PLXNA1: variants seen among roughly 807,000 people sequenced by gnomAD.
PLXNA1 encodes the protein plexin A1.
Under a neutral mutation model 191.7 loss-of-function variants are expected in PLXNA1, and 77 were observed. The ratio of observed to expected loss-of-function variants is 0.40; its 90% CI spans 0.33 to 0.49. The LOEUF (loss-of-function observed/expected upper bound fraction) is 0.49. PLXNA1 is among the 20% of genes least tolerant of loss of function. PLXNA1 has a pLI of 0.63. For missense variants in PLXNA1, 2,110 were observed against 2,660.2 expected (o/e 0.79, Z 4.55); for synonymous variants, 1,137 against 1,156.4 (o/e 0.98, Z 0.34).
intron 23 of PLXNA1, chr3:127,027,357 T>C: frequency 3.0e-6 from 1 of 331,454 alleles, no homozygotes; most frequent in Non-Finnish European, 5.9e-6. Context: ...CCTCCCTGGG[T>C]GGGCAAGCCT....
At chr3:127,004,499 C>G (rs1166184027) in intron 4 of PLXNA1, 112 bp from the exon 5 acceptor site, 6 of 769,698 alleles carry the variant, frequency 7.8e-6, no homozygotes, top group Non-Finnish European at 1.3e-5. Context: ...AGACTGAGAA[C>G]AAGTGCAGGG....
chr3:127,029,376 G>T (rs1559966586), intron 26 of PLXNA1, 64 bp from the exon 27 acceptor site: 9 of 1,503,740 alleles, frequency 6.0e-6, no homozygotes, highest in Non-Finnish European at 5.6e-6. Flanking sequence ...CAGCCGGGGA[G>T]TGGGAGCCTG....
intron 21 of PLXNA1, among the ~76,000 whole-genome samples, chr3:127,021,514 G>A (rs1420584376): frequency 6.6e-6 from 1 of 152,184 alleles, no homozygotes; most frequent in Non-Finnish European, 1.5e-5. Flanking sequence ...TTTCCTACCT[G>A]CAGTGTGGCC....
At chr3:127,031,249 AC>A (rs1389082136) in intron 29 of PLXNA1, among the ~76,000 whole-genome samples, 1 of 152,052 alleles carries the variant, frequency 6.6e-6, no homozygotes, top group Non-Finnish European at 1.5e-5. Flanking sequence ...CTGTAGCCAC[AC>A]CCTAGCCCCT....
Position 127,028,358 on chromosome 3 carries a change from C to G in PLXNA1, c.4669+18C>G. On this transcript the variant is annotated intron_variant, in intron 25 of 31. Coordinates refer to ENST00000393409, the MANE Select transcript of PLXNA1 (RefSeq NM_032242.4). ...GGACCTGGGTGAGCGGGCGGGGCCA[C>G]GGCTGCCCGGGGTGTGTGCTGGAGC... 1 of 1,602,470 alleles carries G rather than the reference C, an allele frequency of 6.2e-7. No homozygotes were observed. The highest frequency in any genetic ancestry group is 8.5e-7 in the Non-Finnish European group (1 of 1,176,546).
chr3:127,004,764 C>T (rs1304009546), intron 5 of PLXNA1, 53 bp downstream of exon 5: 3 of 1,587,876 alleles, frequency 1.9e-6, no homozygotes, highest in African/African-American at 2.7e-5. Context: ...GGTGGTCTCA[C>T]AGTGGGGGAG....
rs554028900 is a variant in PLXNA1, at chr3:127,007,904, C to T, written c.2103C>T (p.Asn701=). The T allele has an allele frequency of 1.7e-5, 27 of 1,609,448 alleles. No homozygotes were observed. Among genetic ancestry groups the T allele is most frequent in the East Asian group, 1.1e-4 (5 of 44,712 alleles). ...ADCAFLEGRV[N]VSEDCPQILP... Reference sequence around the variant, plus strand: ...GCGCCTTCCTGGAGGGCCGTGTCAACGTGTCTGAGGTAAGGCCGGGCAAGG... The same window carrying T: ...GCGCCTTCCTGGAGGGCCGTGTCAATGTGTCTGAGGTAAGGCCGGGCAAGG... The change falls in exon 9 of 32, where the codon AAC becomes AAT. Residue 701 remains asparagine (N), a synonymous_variant. Coordinates refer to ENST00000393409, the MANE Select transcript of PLXNA1 (RefSeq NM_032242.4).
intron 9 of PLXNA1, among the ~76,000 whole-genome samples, chr3:127,010,304 A>T (rs901796225): frequency 6.6e-6 from 1 of 152,120 alleles, no homozygotes; most frequent in Admixed American, 6.5e-5. Context: ...CCTGGCTCTG[A>T]GCTGTCATTG....
rs747397558 is a variant in PLXNA1, at chr3:126,989,271, A to G, written c.678A>G (p.Ser226=). The change falls in exon 2 of 32, where the codon TCA becomes TCG. Residue 226 remains serine (S), a synonymous_variant. Coordinates refer to ENST00000393409, the MANE Select transcript of PLXNA1 (RefSeq NM_032242.4). ...TCGTGTACCAGGATGAGTTTGTGTC[A>G]TCACAGCTCAAGATCCCTTCGGACA... ...FGFVYQDEFV[S]SQLKIPSDTL... 1 of 1,613,562 alleles carries G rather than the reference A, an allele frequency of 6.2e-7. No homozygotes were observed.
chr3:127,022,739 C>A lies in PLXNA1; in HGVS notation c.4296-13C>A. On this transcript the variant is annotated splice_polypyrimidine_tract_variant and intron_variant, in intron 22 of 31. Coordinates refer to ENST00000393409, the MANE Select transcript of PLXNA1 (RefSeq NM_032242.4). The stretch of plus-strand genomic sequence containing the variant: ...GGAATGACACCACTCTGCCCATATT[C>A]TGTGCTCCCCAGGACTGAGTCGGTG... 1 of 1,613,152 alleles carries A rather than the reference C, an allele frequency of 6.2e-7. No individual in the cohort carries two copies. Among genetic ancestry groups the A allele is most frequent in the Non-Finnish European group, 8.5e-7 (1 of 1,179,240 alleles).
chr3:126,986,510 C>A (rs1037595569), intron 1 of PLXNA1, among the ~76,000 whole-genome samples: 1 of 152,152 alleles, frequency 6.6e-6, no homozygotes, highest in African/African-American at 2.4e-5. Flanking sequence ...AGTGAAGAAG[C>A]ATGGGGGGCT....
intron 1 of PLXNA1, among the ~76,000 whole-genome samples, chr3:126,987,102 C>G (rs2078962687): frequency 6.6e-6 from 1 of 152,264 alleles, no homozygotes; most frequent in Non-Finnish European, 1.5e-5. Flanking sequence ...GCACTGCTGA[C>G]TATGCCTTGT....
intron 31 of PLXNA1, 62 bp from the exon 32 acceptor site, chr3:127,033,860 G>A: frequency 7.1e-7 from 1 of 1,416,286 alleles, no homozygotes; most frequent in Non-Finnish European, 9.7e-7. Context: ...CATCTGCCCT[G>A]GGCCTGCTGA....
chr3:126,991,523 G>A lies in PLXNA1; in HGVS notation c.1334G>A (p.Arg445His), dbSNP rs543595407. The change falls in exon 3 of 32, where the codon CGC (arginine) becomes CAC (histidine). Residue 445 changes from arginine to histidine, a missense_variant. Transcript: ENST00000393409. ...TAVAAYDYRG[R>H]TVVFAGTRSG... ...GTGGCTGCCTATGACTATCGGGGCC[G>A]CACTGTGGTATTCGCCGGCACGCGA... The A allele has an allele frequency of 1.1e-5, 18 of 1,607,484 alleles. No individual in the cohort carries two copies. Among genetic ancestry groups the A allele is most frequent in the South Asian group, 5.5e-5 (5 of 90,668 alleles).
chr3:127,003,591 A>G, intron 4 of PLXNA1, 121 bp downstream of exon 4: 1 of 1,191,012 alleles, frequency 8.4e-7, no homozygotes, highest in Non-Finnish European at 1.1e-6. Context: ...GCTCCTGGTA[A>G]AAGTAGTTTC....
chr3:127,020,165 C>A (rs1391562502), intron 20 of PLXNA1, 37 bp from the exon 21 acceptor site: 1 of 1,606,530 alleles, frequency 6.2e-7, no homozygotes, highest in Non-Finnish European at 8.5e-7. Context: ...GCGGGGCCAC[C>A]AGGGCATGCT....
At chr3:127,025,456 C>A (rs1469262269) in intron 23 of PLXNA1, among the ~76,000 whole-genome samples, 9 of 152,214 alleles carry the variant, frequency 5.9e-5, no homozygotes, top group African/African-American at 2.2e-4. Flanking sequence ...GTGAAATACA[C>A]ATGACATAAA....
At position 127,029,826 on chromosome 3, in the gene PLXNA1, G is replaced by A. The variant is rs760830276; in HGVS notation, c.4871-48G>A. 2.3e-5 allele frequency: 35 copies of A among 1,512,638 alleles called. No individual in the cohort carries two copies. In the African/African-American group the frequency reaches 3.6e-4, roughly 15 times the overall value. The allele number at this position is 1,512,638 out of a possible 1,614,324, so 93.7% of individuals were successfully genotyped here. A position where few individuals can be genotyped will look rare whatever the true frequency, so the allele number is the denominator to read the frequency against. Reference sequence around the variant, plus strand: ...AGATGGGGAAACAGGCTCGGGCGGGGGGTGCGGGGTGCCAGCCAACGCGGG... The same window carrying A: ...AGATGGGGAAACAGGCTCGGGCGGGAGGTGCGGGGTGCCAGCCAACGCGGG... On this transcript the variant is annotated intron_variant, in intron 27 of 31. Coordinates refer to ENST00000393409, the MANE Select transcript of PLXNA1 (RefSeq NM_032242.4).
At chr3:127,031,287 C>T (rs1045609023) in intron 29 of PLXNA1, among the ~76,000 whole-genome samples, 1 of 152,190 alleles carries the variant, frequency 6.6e-6, no homozygotes, top group East Asian at 1.9e-4. Flanking sequence ...GTGTGTGTGG[C>T]CCCCACCCCA....
Sources: allele counts gnomAD v4.1 joint callset (sites outside exome capture counted in the v4.1 genomes callset), GRCh38; gene constraint gnomAD v4.1.1; transcripts MANE v1.5; gene names NCBI Gene and HGNC (gene_info 2026-07-23, HGNC 2026-07-21).